The following PCSK5 variants were observed in gnomAD, a reference collection of about 807,000 sequenced individuals.
The protein encoded by PCSK5 is proprotein convertase subtilisin/kexin type 5.
PCSK5 carries 129 observed loss-of-function variants against 233.2 expected under a neutral mutation model. That is an observed-to-expected ratio of 0.55 (90% CI 0.48 to 0.64). The LOEUF is 0.64. Ranked by LOEUF, PCSK5 falls within the 30% of genes least tolerant of loss-of-function variation. PCSK5 has a pLI of 0.00. For missense variants in PCSK5, 2,076 were observed against 2,430.1 expected, an observed-to-expected ratio of 0.85 and a Z score of 3.06; for synonymous variants, 825 against 879.2, an observed-to-expected ratio of 0.94 and a Z score of 1.09.
chr9:75,971,956 T>C (rs1825830451), intron 2 of PCSK5, among the ~76,000 whole-genome samples: 1 of 152,178 alleles, frequency 6.6e-6, no homozygotes, highest in African/African-American at 2.4e-5. Flanking sequence ...ATTTTTGCTT[T>C]TGTTGTGATT....
intron 2 of PCSK5, among the ~76,000 whole-genome samples, chr9:75,939,215 G>A (rs1824192724): frequency 6.6e-6 from 1 of 152,184 alleles, no homozygotes; most frequent in African/African-American, 2.4e-5. Context: ...TTAACATTAT[G>A]TTATGATTAA....
At chr9:76,331,071 C>T (rs1273035609) in intron 33 of PCSK5, among the ~76,000 whole-genome samples, 2 of 152,148 alleles carry the variant, frequency 1.3e-5, no homozygotes, top group East Asian at 3.9e-4. Flanking sequence ...AGCTGTAGTC[C>T]CCCTGGGAAA....
chr9:75,909,807 G>C (rs549992100), intron 1 of PCSK5, among the ~76,000 whole-genome samples: 60 of 152,314 alleles, frequency 3.9e-4, no homozygotes, highest in African/African-American at 1.4e-3. Flanking sequence ...TCCACTGAAT[G>C]TTTCTGGTTC....
intron 7 of PCSK5, among the ~76,000 whole-genome samples, chr9:76,074,612 T>C (rs1488530825): frequency 6.6e-6 from 1 of 152,222 alleles, no homozygotes; most frequent in East Asian, 1.9e-4. Flanking sequence ...TTGAGTCCAA[T>C]ATTTGCCATT....
intron 27 of PCSK5, among the ~76,000 whole-genome samples, chr9:76,297,946 A>G (rs1448322612): frequency 6.6e-6 from 1 of 152,220 alleles, no homozygotes; most frequent in Non-Finnish European, 1.5e-5. Flanking sequence ...AAGGCCACGG[A>G]GAACACGGGC....
Position 76,082,026 on chromosome 9 carries a change from CA to C in PCSK5, c.894+10129del, listed in dbSNP as rs1830860504. On this transcript the variant is annotated intron_variant, in intron 7 of 37. Transcript: ENST00000674117. ...AAGTATTTTCATAGGCAAATCTTGT[CA>C]TTTTTTTTTTCTCTTTAAAACTCAT... Among the ~76,000 whole-genome samples, 8 of 151,960 alleles carry C rather than the reference CA, an allele frequency of 5.3e-5. 1 individual carries two copies. The South Asian group carries it at 1.5e-3, about 28-fold the overall frequency.
intron 35 of PCSK5, 93 bp from the exon 36 acceptor site, chr9:76,350,735 C>T: frequency 2.5e-6 from 2 of 786,492 alleles, no homozygotes; most frequent in Non-Finnish European, 4.4e-6. Flanking sequence ...CTTCAATTTA[C>T]TTGACATATT....
chr9:76,128,556 G>C (rs1822618253), intron 9 of PCSK5, among the ~76,000 whole-genome samples: 1 of 152,198 alleles, frequency 6.6e-6, no homozygotes, highest in Non-Finnish European at 1.5e-5. Flanking sequence ...TTTACATGCA[G>C]TAAGTATTTG....
At chr9:76,218,299 C>T (rs1031493619) in intron 20 of PCSK5, among the ~76,000 whole-genome samples, 6 of 152,134 alleles carry the variant, frequency 3.9e-5, no homozygotes, top group African/African-American at 1.2e-4. Flanking sequence ...AAAAAAAGAA[C>T]GTGTGTAGGT....
At chr9:76,108,945 C>G (rs1832093891) in intron 9 of PCSK5, among the ~76,000 whole-genome samples, 1 of 152,186 alleles carries the variant, frequency 6.6e-6, no homozygotes, top group South Asian at 2.1e-4. Flanking sequence ...ATATGGTGCC[C>G]TGTCTCTGGG....
chr9:75,928,756 T>C (rs1823637157), intron 1 of PCSK5, among the ~76,000 whole-genome samples: 1 of 151,074 alleles, frequency 6.6e-6, no homozygotes, highest in Non-Finnish European at 1.5e-5. Context: ...GGTAGAGATG[T>C]CTCAACCCAC....
At chr9:75,897,998 T>C (rs920627716) in intron 1 of PCSK5, among the ~76,000 whole-genome samples, 17 of 152,214 alleles carry the variant, frequency 1.1e-4, no homozygotes, top group Admixed American at 1.3e-4. Context: ...TTTGTTAGTT[T>C]AAACAGATTC....
chr9:76,160,922 C>A (rs193144713), intron 12 of PCSK5, among the ~76,000 whole-genome samples: 1 of 152,082 alleles, frequency 6.6e-6, no homozygotes, highest in Non-Finnish European at 1.5e-5. Flanking sequence ...TACAGGCACA[C>A]GCCACCACAG....
intron 13 of PCSK5, among the ~76,000 whole-genome samples, chr9:76,173,496 C>CTT (rs59248860): frequency 1.5e-4 from 9 of 61,004 alleles, no homozygotes; most frequent in East Asian, 4.7e-4. Context: ...GGCACGTTTC[C>CTT]TTTTTTTTTT....
intron 5 of PCSK5, among the ~76,000 whole-genome samples, chr9:76,065,222 C>G (rs541318957): frequency 6.6e-6 from 1 of 152,352 alleles, no homozygotes; most frequent in African/African-American, 2.4e-5. Context: ...ACCCGCCATA[C>G]TGTTTTCTGT....
chr9:76,106,296 G>A (rs1831976306), intron 8 of PCSK5, among the ~76,000 whole-genome samples: 1 of 152,010 alleles, frequency 6.6e-6, no homozygotes, highest in South Asian at 2.1e-4. Context: ...TCCCAAAGAG[G>A]GCAAAAAATG....
chr9:76,239,862 C>A (rs1001141936), intron 23 of PCSK5, among the ~76,000 whole-genome samples: 2 of 152,054 alleles, frequency 1.3e-5, no homozygotes, highest in African/African-American at 4.8e-5. Context: ...AGACCCTAGG[C>A]AAAACTCATC....
chr9:76,262,673 C>T (rs1827215219), intron 24 of PCSK5, among the ~76,000 whole-genome samples: 1 of 151,222 alleles, frequency 6.6e-6, no homozygotes, highest in Non-Finnish European at 1.5e-5. Context: ...CCACAAAAAC[C>T]CTAGAAGAAA....
chr9:76,341,282 T>A (rs934646035), intron 35 of PCSK5, among the ~76,000 whole-genome samples: 4 of 152,100 alleles, frequency 2.6e-5, no homozygotes, highest in African/African-American at 9.7e-5. Context: ...TTATTTTAGA[T>A]CTTTCTGTTT....
Sources: gnomAD v4.1 joint callset for allele counts (sites outside exome capture counted in the v4.1 genomes callset) on GRCh38, gnomAD v4.1.1 for gene constraint, MANE v1.5 for transcripts, NCBI Gene and HGNC (gene_info 2026-07-23, HGNC 2026-07-21) for gene names.